SEC24D: variants seen among roughly 807,000 people sequenced by gnomAD.
The protein encoded by SEC24D is SEC24 homolog D, COPII component.
SEC24D carries 69 observed loss-of-function variants against 116.9 expected under a neutral mutation model. The ratio of observed to expected loss-of-function variants is 0.59; its 90% CI spans 0.49 to 0.72. The LOEUF is 0.72. Ranked by LOEUF, SEC24D falls within the 30% of genes least tolerant of loss-of-function variation. SEC24D has a pLI of 0.00. For missense variants in SEC24D, 1,131 were observed against 1,264.1 expected, an observed-to-expected ratio of 0.89 and a Z score of 1.60; for synonymous variants, 405 against 442.8, an observed-to-expected ratio of 0.91 and a Z score of 1.07.
chr4:118,732,816 C>G lies in SEC24D; in HGVS notation c.2593G>C (p.Glu865Gln). ...ACCAGCTGTCTCTGGTATGCTCGTT[C>G]ATCAGTTGAGATCTCTGGTCTGCTG... ...LLSRPEISTD[E>Q]RAYQRQLVMT... The change falls in exon 20 of 23, where the codon GAA (glutamate) becomes CAA (glutamine). Residue 865 changes from glutamate (E) to glutamine (Q), a missense_variant. Glu to Gln is a conservative substitution (Grantham distance 29, BLOSUM62 2). Transcript: ENST00000280551. 1 of 1,614,100 alleles carries G rather than the reference C, an allele frequency of 6.2e-7. No individual in the cohort carries two copies.
At chr4:118,831,030 G>A (rs1164991837) in intron 2 of SEC24D, among the ~76,000 whole-genome samples, 2 of 151,922 alleles carry the variant, frequency 1.3e-5, no homozygotes, top group South Asian at 2.1e-4. Context: ...AGGTTTTTTT[G>A]CTTGTTTGTT....
chr4:118,741,885 A>G, intron 15 of SEC24D, among the ~76,000 whole-genome samples: 1 of 152,204 alleles, frequency 6.6e-6, no homozygotes, highest in East Asian at 1.9e-4. Context: ...GACTATTAAA[A>G]TTTGTATTGT....
rs79715110 is a variant in SEC24D, at chr4:118,796,645, A to C, written c.1041+1038T>G. Among the ~76,000 whole-genome samples the C allele has an allele frequency of 1.1e-3, 164 of 152,316 alleles. 4 individuals are homozygous for C. In the East Asian group the frequency reaches 0.031, roughly 29 times the overall value. On this transcript the variant is annotated intron_variant, in intron 8 of 22. Transcript: ENST00000280551. Reference sequence around the variant, plus strand: ...TTTTCTCTCTTCTTTCCCTTAGTGGACATAAAGCCCCACTCACCATAGCTT... The same window carrying C: ...TTTTCTCTCTTCTTTCCCTTAGTGGCCATAAAGCCCCACTCACCATAGCTT...
chr4:118,835,110 C>G (rs1463866802), intron 1 of SEC24D, among the ~76,000 whole-genome samples: 1 of 152,180 alleles, frequency 6.6e-6, no homozygotes, highest in Admixed American at 6.5e-5. Flanking sequence ...CAGAGAGAGA[C>G]GTGGCAGCCT....
At chr4:118,772,774 C>A (rs917982232) in intron 8 of SEC24D, among the ~76,000 whole-genome samples, 3 of 152,118 alleles carry the variant, frequency 2.0e-5, no homozygotes, top group Admixed American at 6.5e-5. Flanking sequence ...CAGTACACTG[C>A]GATGAAGAAA....
At chr4:118,778,538 T>C (rs374992802) in intron 8 of SEC24D, among the ~76,000 whole-genome samples, 1 of 152,190 alleles carries the variant, frequency 6.6e-6, no homozygotes, top group Non-Finnish European at 1.5e-5. Context: ...AGTCAGGTAG[T>C]GTGATGCCTC....
intron 6 of SEC24D, among the ~76,000 whole-genome samples, chr4:118,809,103 A>G (rs1356381428): frequency 2.0e-5 from 3 of 151,886 alleles, no homozygotes; most frequent in African/African-American, 7.3e-5. Flanking sequence ...CCTCCCGAGT[A>G]GCTGGGACTA....
intron 17 of SEC24D, among the ~76,000 whole-genome samples, chr4:118,739,574 T>A (rs536212354): frequency 2.1e-4 from 32 of 152,208 alleles, no homozygotes; most frequent in Non-Finnish European, 4.1e-4. Flanking sequence ...GTCTGCATTT[T>A]TCATAGCTCA....
intron 15 of SEC24D, among the ~76,000 whole-genome samples, chr4:118,742,502 G>C (rs1012386739): frequency 6.6e-6 from 1 of 152,166 alleles, no homozygotes; most frequent in Non-Finnish European, 1.5e-5. Flanking sequence ...TCAGAATTCT[G>C]TATGATTATT....
Position 118,731,189 on chromosome 4 carries a change from TTC to T in SEC24D, c.2868+125_2868+126del, listed in dbSNP as rs542839989. 116 of 762,792 alleles carry T rather than the reference TTC, an allele frequency of 1.5e-4. 1 individual carries two copies. The highest frequency in any genetic ancestry group is 4.0e-4 in the South Asian group (22 of 55,354). The allele number at this position is 762,792 out of a possible 1,614,324, so 47.3% of individuals were successfully genotyped here. On this transcript the variant is annotated intron_variant, in intron 21 of 22. Transcript: ENST00000280551. The stretch of plus-strand genomic sequence containing the variant: ...GATATTGATCAAAACATGAAATTAT[TTC>T]TTTCATATACAGAAATATATGCCTT...
Position 118,731,383 on chromosome 4 carries a change from C to T in SEC24D, c.2801G>A (p.Ser934Asn). 6.2e-7 allele frequency: 1 copy of T among 1,614,020 alleles called. No individual in the cohort carries two copies. The change falls in exon 21 of 23, where the codon AGC becomes AAC. Residue 934 changes from serine to asparagine, a missense_variant. Physicochemically the swap from Ser to Asn is conservative, Grantham distance 46 (BLOSUM62 1). Transcript: ENST00000280551. The part of the protein sequence containing the change: ...GLHMFLWLGV[S>N]SPPELIQGIF... ...TCCTTGGATCAGTTCTGGTGGGCTG[C>T]TTACTCCCAACCACAGGAACATGTG... is the stretch of plus-strand genomic sequence containing the variant.
At chr4:118,820,817 A>G (rs1349241034) in intron 3 of SEC24D, among the ~76,000 whole-genome samples, 1 of 152,216 alleles carries the variant, frequency 6.6e-6, no homozygotes, top group Non-Finnish European at 1.5e-5. Context: ...TGTCAAGTAT[A>G]TATTTTAATT....
At chr4:118,782,202 T>C (rs543864284) in intron 8 of SEC24D, among the ~76,000 whole-genome samples, 41 of 152,342 alleles carry the variant, frequency 2.7e-4, no homozygotes, top group African/African-American at 9.9e-4. Context: ...TCTGCTCTGG[T>C]TTCTCCCCAT....
At chr4:118,782,163 G>A (rs898293447) in intron 8 of SEC24D, among the ~76,000 whole-genome samples, 2 of 152,164 alleles carry the variant, frequency 1.3e-5, no homozygotes, top group African/African-American at 4.8e-5. Flanking sequence ...AGGAGAAGAG[G>A]CACTCTGATT....
At chr4:118,742,229 C>T (rs911081545) in intron 15 of SEC24D, among the ~76,000 whole-genome samples, 7 of 151,878 alleles carry the variant, frequency 4.6e-5, no homozygotes, top group African/African-American at 1.7e-4. Context: ...CCCCTGCCTA[C>T]ACATCACTTG....
intron 15 of SEC24D, among the ~76,000 whole-genome samples, 167 bp downstream of exon 15, chr4:118,743,821 G>C (rs1726355279): frequency 6.6e-6 from 1 of 152,200 alleles, no homozygotes; most frequent in Non-Finnish European, 1.5e-5. Flanking sequence ...CCAAGATGCA[G>C]AACTCTCCTT....
At chr4:118,797,252 T>C (rs1237102222) in intron 8 of SEC24D, among the ~76,000 whole-genome samples, 2 of 152,220 alleles carry the variant, frequency 1.3e-5, no homozygotes. Flanking sequence ...TAGGAGTTGA[T>C]GAGTATCCTG....
At chr4:118,803,474 C>G (rs1458651301) in intron 7 of SEC24D, among the ~76,000 whole-genome samples, 1 of 152,080 alleles carries the variant, frequency 6.6e-6, no homozygotes, top group Non-Finnish European at 1.5e-5. Flanking sequence ...TTTGGGTGTC[C>G]CCAACTTGGG....
At chr4:118,742,694 C>T (rs1280431535) in intron 15 of SEC24D, among the ~76,000 whole-genome samples, 1 of 152,156 alleles carries the variant, frequency 6.6e-6, no homozygotes, top group Non-Finnish European at 1.5e-5. Context: ...TTAATAAAAA[C>T]AGATGATGAC....
Sources: allele counts gnomAD v4.1 joint callset (sites outside exome capture counted in the v4.1 genomes callset), GRCh38; gene constraint gnomAD v4.1.1; transcripts MANE v1.5; gene names NCBI Gene and HGNC (gene_info 2026-07-23, HGNC 2026-07-21).